The following KIZ variants were observed in gnomAD, a reference collection of about 807,000 sequenced individuals.
KIZ encodes centrosomal protein kizuna.
In KIZ, 68 loss-of-function variants were observed where a neutral mutation model predicts 79.6. The ratio of observed to expected loss-of-function variants is 0.85; its 90% confidence interval spans 0.70 to 1.05. The LOEUF (loss-of-function observed/expected upper bound fraction) is 1.05, where lower values mean the gene tolerates loss of function less well. KIZ is among the 50% of genes least tolerant of loss of function. The pLI is 0.00. For synonymous variants in KIZ, 280 were observed against 281.8 expected, an observed-to-expected ratio of 0.99 and a Z score of 0.06; for missense variants, 797 against 800.4, an observed-to-expected ratio of 1.00 and a Z score of 0.05.
chr20:21,218,447 A>C (rs1299684556), intron 9 of KIZ: 1 of 152,206 alleles, frequency 6.6e-6, no homozygotes, highest in Non-Finnish European at 1.5e-5. Flanking sequence ...TGTTATTTGC[A>C]ATGCTCCACC....
intron 3 of KIZ, among the ~76,000 whole-genome samples, chr20:21,143,208 C>G (rs1237328167): frequency 3.3e-5 from 5 of 151,968 alleles, no homozygotes; most frequent in Non-Finnish European, 7.3e-5. Context: ...ACTCTCTGTA[C>G]CCATTTCCTC....
intron 6 of KIZ, among the ~76,000 whole-genome samples, chr20:21,175,593 C>T (rs2034399572): frequency 6.6e-6 from 1 of 152,126 alleles, no homozygotes; most frequent in African/African-American, 2.4e-5. Context: ...AGACTGAAAC[C>T]TAATCCAAGT....
intron 7 of KIZ, among the ~76,000 whole-genome samples, chr20:21,209,888 A>G (rs2035995715): frequency 1.2e-5 from 1 of 86,188 alleles, no homozygotes; most frequent in African/African-American, 5.2e-5. Flanking sequence ...GGTACCACTG[A>G]TAGCAGAAAT....
intron 6 of KIZ, among the ~76,000 whole-genome samples, chr20:21,201,807 A>T (rs1244013852): frequency 2.0e-5 from 3 of 152,160 alleles, no homozygotes; most frequent in African/African-American, 7.2e-5. Context: ...CCTTTGTACC[A>T]CTTTGCACAT....
chr20:21,138,257 T>C (rs1311116385), intron 3 of KIZ, among the ~76,000 whole-genome samples: 1 of 152,156 alleles, frequency 6.6e-6, no homozygotes, highest in East Asian at 1.9e-4. Context: ...CCCCATGTCA[T>C]TGGCTATTTT....
intron 4 of KIZ, among the ~76,000 whole-genome samples, chr20:21,160,681 G>A (rs553521760): frequency 6.6e-6 from 1 of 152,222 alleles, no homozygotes; most frequent in East Asian, 1.9e-4. Context: ...CTGAATATTT[G>A]TGTCCCCCCC....
chr20:21,179,217 T>G (rs538434935), intron 6 of KIZ, among the ~76,000 whole-genome samples: 31 of 151,088 alleles, frequency 2.1e-4, no homozygotes, highest in African/African-American at 6.0e-4. Flanking sequence ...TTGTTTTTTT[T>G]TTTTTTTTGA....
intron 3 of KIZ, chr20:21,144,342 CT>C (rs1179422590): frequency 6.6e-6 from 1 of 152,106 alleles, no homozygotes; most frequent in African/African-American, 2.4e-5. Flanking sequence ...TCCCCCATTT[CT>C]TTTTGAGATA....
intron 6 of KIZ, among the ~76,000 whole-genome samples, chr20:21,200,064 G>A (rs1765980041): frequency 1.3e-5 from 2 of 152,136 alleles, no homozygotes; most frequent in African/African-American, 2.4e-5. Flanking sequence ...CAAGTGATCT[G>A]CCCACCTCTG....
chr20:21,201,545 A>T (rs2123139269), intron 6 of KIZ, among the ~76,000 whole-genome samples: 1 of 152,376 alleles, frequency 6.6e-6, no homozygotes, highest in East Asian at 1.9e-4. Context: ...GCCTGTGTTC[A>T]GAATTAAATT....
At chr20:21,152,623 A>G (rs2033174743) in intron 4 of KIZ, among the ~76,000 whole-genome samples, 1 of 152,190 alleles carries the variant, frequency 6.6e-6, no homozygotes, top group Admixed American at 6.5e-5. Flanking sequence ...GGTATTTGTT[A>G]AGCCTCTTAG....
At chr20:21,166,479 C>T in intron 6 of KIZ, 1 of 1,572,778 alleles carries the variant, frequency 6.4e-7, no homozygotes, top group Non-Finnish European at 8.7e-7. Context: ...TTCATCATCA[C>T]AATGAGAAAC....
At position 21,126,219 on chromosome 20, in the gene KIZ, G is replaced by T; in HGVS notation, c.89+15G>T. On this transcript the variant is annotated intron_variant, in intron 1 of 12. Coordinates refer to ENST00000619189, the MANE Select transcript of KIZ (RefSeq NM_018474.6). ...CTGCGGGACAGGTAAGGGCACTGGG[G>T]CGGGGGTGGGGAGTCGGCCCGCGCC... is the stretch of plus-strand genomic sequence containing the variant. 7.1e-7 allele frequency: 1 copy of T among 1,413,476 alleles called. No homozygotes were observed. Among genetic ancestry groups the T allele is most frequent in the Non-Finnish European group, 9.3e-7 (1 of 1,072,740 alleles). The allele number at this position is 1,413,476 out of a possible 1,614,324, so 87.6% of individuals were successfully genotyped here. A position where few individuals can be genotyped will look rare whatever the true frequency, so the allele number is the denominator to read the frequency against.
intron 6 of KIZ, chr20:21,166,123 T>C (rs529715088): frequency 3.4e-5 from 27 of 803,818 alleles, no homozygotes; most frequent in Non-Finnish European, 5.1e-5. Flanking sequence ...TGTGCCGCCA[T>C]GCTTGGCTAA....
At chr20:21,205,615 A>C (rs1168648350) in intron 7 of KIZ, 31 bp downstream of exon 7, 1 of 964,034 alleles carries the variant, frequency 1.0e-6, no homozygotes. Flanking sequence ...AAGTTTTCCC[A>C]ATCACAAATG....
At chr20:21,196,803 CT>C (rs1165091670) in intron 6 of KIZ, 1 of 152,128 alleles carries the variant, frequency 6.6e-6, no homozygotes, top group Non-Finnish European at 1.5e-5. Context: ...TCTTGTGTGC[CT>C]GTTATTATTC....
chr20:21,126,055 T>C, upstream of KIZ: 2 of 1,410,772 alleles, frequency 1.4e-6, no homozygotes, highest in Admixed American at 2.8e-5. Flanking sequence ...GCGGTCTCCT[T>C]CGGCAACCCC....
intron 6 of KIZ, among the ~76,000 whole-genome samples, chr20:21,164,259 G>T (rs2033829074): frequency 6.6e-6 from 1 of 152,306 alleles, no homozygotes. Context: ...ATGGTGAAAA[G>T]TTTATGAATA....
chr20:21,132,472 G>A (rs1284056565), intron 2 of KIZ, among the ~76,000 whole-genome samples: 1 of 152,026 alleles, frequency 6.6e-6, no homozygotes, highest in Non-Finnish European at 1.5e-5. Flanking sequence ...GTAGAGACTG[G>A]GTTTCACCAT....
Sources: allele counts gnomAD v4.1 joint callset (sites outside exome capture counted in the v4.1 genomes callset), GRCh38; gene constraint gnomAD v4.1.1; transcripts MANE v1.5; gene names NCBI Gene and HGNC (gene_info 2026-07-23, HGNC 2026-07-21).